DGKB: variants seen among roughly 807,000 people sequenced by gnomAD.
The protein encoded by DGKB is 90 kDa diacylglycerol kinase.
In DGKB, 67 loss-of-function variants were observed where a neutral mutation model predicts 114.3. The observed-to-expected ratio is 0.59, with a 90% CI of 0.48 to 0.72. DGKB has a LOEUF of 0.72. DGKB is among the 30% of genes least tolerant of loss of function. DGKB has a pLI of 0.00. For missense variants in DGKB, 907 were observed against 975.2 expected (o/e 0.93, Z 0.93); for synonymous variants, 398 against 323.1 (o/e 1.23, Z -2.49).
At chr7:14,200,321 T>G (rs1350416393) in intron 23 of DGKB, among the ~76,000 whole-genome samples, 3 of 151,966 alleles carry the variant, frequency 2.0e-5, no homozygotes, top group Non-Finnish European at 4.4e-5. Flanking sequence ...ACCTAGCAGT[T>G]AAAAAATGAT....
chr7:14,974,176 G>T (rs1173943333), intron 1 of DGKB, among the ~76,000 whole-genome samples: 1 of 151,850 alleles, frequency 6.6e-6, no homozygotes, highest in East Asian at 1.9e-4. Context: ...ACAAAATTGA[G>T]CATAAATAAC....
intron 5 of DGKB, among the ~76,000 whole-genome samples, chr7:14,733,928 C>T (rs1831310582): frequency 6.6e-6 from 1 of 151,902 alleles, no homozygotes; most frequent in African/African-American, 2.4e-5. Context: ...GTCTAAGTTT[C>T]ATTTATGGCT....
At chr7:14,676,504 A>G (rs1166616517) in intron 12 of DGKB, among the ~76,000 whole-genome samples, 5 of 152,136 alleles carry the variant, frequency 3.3e-5, no homozygotes, top group Admixed American at 6.6e-5. Context: ...CTTATTTCAC[A>G]TTGCATGCCT....
chr7:14,668,781 T>G (rs890581341), intron 13 of DGKB, among the ~76,000 whole-genome samples: 3 of 152,084 alleles, frequency 2.0e-5, no homozygotes, highest in Non-Finnish European at 2.9e-5. Context: ...CAGCTCAAAT[T>G]CCACGATTAA....
chr7:14,373,672 T>C (rs796928073), intron 21 of DGKB, among the ~76,000 whole-genome samples: 12 of 152,252 alleles, frequency 7.9e-5, no homozygotes, highest in African/African-American at 2.9e-4. Flanking sequence ...TCTCCTGCTC[T>C]ATCTTGGCTA....
At chr7:14,452,804 A>G (rs1175344683) in intron 21 of DGKB, among the ~76,000 whole-genome samples, 3 of 152,132 alleles carry the variant, frequency 2.0e-5, no homozygotes, top group Non-Finnish European at 4.4e-5. Flanking sequence ...AATATCATAG[A>G]GTGTACTTAC....
intron 1 of DGKB, among the ~76,000 whole-genome samples, chr7:14,883,549 G>C (rs114830098): frequency 6.6e-6 from 1 of 151,962 alleles, no homozygotes; most frequent in African/African-American, 2.4e-5. Flanking sequence ...GAGATATAGA[G>C]ATGATAGAGT....
chr7:14,603,627 A>G lies in DGKB; in HGVS notation c.1433+3807T>C, dbSNP rs565554983. On this transcript the variant is annotated intron_variant, in intron 17 of 25. Transcript: ENST00000402815. ...GAAATATGCATATTTGAAATATGTA[A>G]ATCTGTAGGTTGACTGTTGCATTAT... is the stretch of plus-strand genomic sequence containing the variant. Among the ~76,000 whole-genome samples the G allele has an allele frequency of 1.6e-4, 25 of 152,200 alleles. No individual in the cohort carries two copies. In the East Asian group the frequency reaches 4.6e-3, roughly 28 times the overall value.
At chr7:14,452,190 C>A (rs1475616340) in intron 21 of DGKB, among the ~76,000 whole-genome samples, 3 of 151,824 alleles carry the variant, frequency 2.0e-5, no homozygotes, top group East Asian at 3.9e-4. Context: ...ATCTCAAGAG[C>A]AAATAAAATA....
At chr7:14,681,252 C>T (rs1820774736) in intron 12 of DGKB, among the ~76,000 whole-genome samples, 1 of 151,932 alleles carries the variant, frequency 6.6e-6, no homozygotes, top group African/African-American at 2.4e-5. Flanking sequence ...ATTATACTAA[C>T]CAAACACTTT....
At chr7:14,663,231 G>A (rs913985871) in intron 13 of DGKB, among the ~76,000 whole-genome samples, 28 of 151,934 alleles carry the variant, frequency 1.8e-4, no homozygotes, top group African/African-American at 6.0e-4. Flanking sequence ...GCTTTTTAAC[G>A]TGCTTGTATC....
intron 3 of DGKB, among the ~76,000 whole-genome samples, chr7:14,756,554 A>G (rs1414326727): frequency 6.6e-6 from 1 of 152,028 alleles, no homozygotes; most frequent in Non-Finnish European, 1.5e-5. Flanking sequence ...TAAAAGTTAC[A>G]GTAATGTACC....
intron 15 of DGKB, among the ~76,000 whole-genome samples, chr7:14,619,655 G>A (rs749416332): frequency 6.6e-6 from 1 of 151,554 alleles, no homozygotes; most frequent in African/African-American, 2.4e-5. Flanking sequence ...AAGAGACAGG[G>A]TGTCTTGGGA....
rs1798807367 is a variant in DGKB at position 14,574,337 on chromosome 7, C to T, written c.1645G>A (p.Asp549Asn). The T allele has an allele frequency of 6.2e-7, 1 of 1,612,438 alleles. No homozygotes were observed. The highest frequency in any genetic ancestry group is 8.5e-7 in the Non-Finnish European group (1 of 1,179,370). The change falls in exon 20 of 26, where the codon GAC becomes AAC. Residue 549 changes from aspartate (D) to asparagine (N), a missense_variant. By Grantham distance (23) the Asp-to-Asn change is conservative (BLOSUM62 1). Around this residue, in one of 3 missense-constraint regions of DGKB, gnomAD observed 814 missense variants for 856.6 expected, o/e 0.95. Coordinates refer to ENST00000402815, the MANE Select transcript of DGKB (RefSeq NM_001350709.2). Reference sequence around the variant, plus strand: ...ATGATTTCTGTGCTGTTTTCAATGTCTTTTAGAATTTTCATCAGATTCTCA... The same window carrying T: ...ATGATTTCTGTGCTGTTTTCAATGTTTTTTAGAATTTTCATCAGATTCTCA... ...EGENLMKILKDIENSTEIMLD... is the reference protein window; with the variant it reads ...EGENLMKILKNIENSTEIMLD...
chr7:14,291,359 C>T (rs1483013311), intron 23 of DGKB, among the ~76,000 whole-genome samples: 2 of 152,096 alleles, frequency 1.3e-5, no homozygotes, highest in African/African-American at 4.8e-5. Flanking sequence ...AACTTCCTTT[C>T]TTGCAAATTC....
In DGKB at chr7:14,214,786, C is replaced by T. The variant is rs190441435; in HGVS notation, c.2123-36635G>A. 2.6e-4 allele frequency among the ~76,000 whole-genome samples: 40 copies of T among 152,132 alleles called. No homozygotes were observed. The East Asian group carries it at 7.0e-3, about 27-fold the overall frequency. The stretch of plus-strand genomic sequence containing the variant: ...AAAAATACCAAATGAAAACTAAATG[C>T]CCAAACAGCTTCTTTGTCATCACCT... On this transcript the variant is annotated intron_variant, in intron 23 of 25. Coordinates refer to ENST00000402815, the MANE Select transcript of DGKB (RefSeq NM_001350709.2).
At chr7:14,552,354 G>A (rs1795218885) in intron 20 of DGKB, among the ~76,000 whole-genome samples, 1 of 152,140 alleles carries the variant, frequency 6.6e-6, no homozygotes, top group Non-Finnish European at 1.5e-5. Flanking sequence ...AAATGCCCAT[G>A]ATAACTCAAT....
intron 4 of DGKB, 122 bp from the exon 5 acceptor site, chr7:14,736,316 A>G: frequency 1.6e-6 from 1 of 621,712 alleles, no homozygotes; most frequent in Non-Finnish European, 2.7e-6. Flanking sequence ...AAGTTTAACA[A>G]ATGGAAAGTG....
chr7:14,265,517 C>T (rs1449921383), intron 23 of DGKB, among the ~76,000 whole-genome samples: 3 of 151,824 alleles, frequency 2.0e-5, no homozygotes, highest in African/African-American at 4.8e-5. Context: ...AGGCTAATTC[C>T]CACATGCCCT....
Sources: gnomAD v4.1 joint callset for allele counts (sites outside exome capture counted in the v4.1 genomes callset) on GRCh38, gnomAD v4.1.1 for gene constraint, gnomAD v4.1.1 regional missense constraint, MANE v1.5 for transcripts, NCBI Gene and HGNC (gene_info 2026-07-23, HGNC 2026-07-21) for gene names.